The following SLIT2 variants were observed in gnomAD, a reference collection of about 807,000 sequenced individuals.
SLIT2 encodes the protein slit homolog 2 protein.
Under a neutral mutation model 185.7 loss-of-function variants are expected in SLIT2, and 41 were observed. The ratio of observed to expected loss-of-function variants is 0.22; its 90% CI spans 0.17 to 0.29. The LOEUF is 0.29. Among genes scored for constraint, SLIT2 ranks in the 10% least tolerant of loss-of-function variants. The pLI is 1.00. For synonymous variants in SLIT2, 693 were observed against 680.2 expected (o/e 1.02, Z -0.29); for missense variants, 1,571 against 1,909.0 (o/e 0.82, Z 3.30).
In SLIT2 at chr4:20,618,961, C is replaced by T. The variant is rs746191825; in HGVS notation, c.4542C>T (p.Asp1514=). The stretch of plus-strand genomic sequence containing the variant: ...GCACTGACGGCTCCTCCTTTGTGGA[C>T]GAGGTTGAGAAAGTGGTGAAGTGCG... ...FECTDGSSFV[D]EVEKVVKCGC... The change falls in exon 37 of 37, where the codon GAC becomes GAT. Residue 1514 remains aspartate, a synonymous_variant. Transcript: ENST00000504154. The T allele has an allele frequency of 2.5e-5, 41 of 1,613,862 alleles. No individual in the cohort carries two copies. The highest frequency in any genetic ancestry group is 1.5e-4 in the Admixed American group (9 of 59,980).
At chr4:20,394,896 T>A (rs1725759825) in intron 4 of SLIT2, 1 of 152,080 alleles carries the variant, frequency 6.6e-6, no homozygotes, top group Non-Finnish European at 1.5e-5. Context: ...AGTAATTTCT[T>A]TTTCTTTATT....
intron 26 of SLIT2, 66 bp from the exon 27 acceptor site, chr4:20,567,196 G>A (rs1009911802): frequency 6.1e-6 from 8 of 1,318,810 alleles, no homozygotes; most frequent in East Asian, 2.3e-5. Flanking sequence ...TTACATTAAG[G>A]CATACAAGTA....
chr4:20,404,551 TTATTACATG>T (rs1474877015), intron 4 of SLIT2, among the ~76,000 whole-genome samples: 9 of 151,954 alleles, frequency 5.9e-5, no homozygotes, highest in Non-Finnish European at 1.2e-4. Context: ...GTGTTAGCAG[TTATTACATG>T]TATTTCCTAA....
At position 20,382,939 on chromosome 4, in the gene SLIT2, A is replaced by G. The variant is rs528067330; in HGVS notation, c.396-84813A>G. Reference sequence around the variant, plus strand: ...GTACTCTACACAGTGTGGCTCTGGCATAAGGTAGACATAGATTAGTGGAAT... The same window carrying G: ...GTACTCTACACAGTGTGGCTCTGGCGTAAGGTAGACATAGATTAGTGGAAT... On this transcript the variant is annotated intron_variant, in intron 4 of 36. Transcript: ENST00000504154. Among the ~76,000 whole-genome samples the G allele has an allele frequency of 2.0e-3, 302 of 152,312 alleles. 1 individual carries two copies. The highest frequency in any genetic ancestry group is 6.9e-3 in the African/African-American group (285 of 41,586).
At chr4:20,559,758 G>A (rs1028521502) in intron 26 of SLIT2, among the ~76,000 whole-genome samples, 19 of 151,908 alleles carry the variant, frequency 1.3e-4, no homozygotes, top group Non-Finnish European at 1.5e-5. Context: ...GCCGACTGGA[G>A]TCAGAATTTG....
chr4:20,553,696 G>T, intron 25 of SLIT2, 109 bp from the exon 26 acceptor site: 1 of 1,047,726 alleles, frequency 9.5e-7, no homozygotes, highest in Non-Finnish European at 1.3e-6. Flanking sequence ...GCATCACTTT[G>T]AATTCTTTTG....
At chr4:20,327,466 A>C (rs1719690582) in intron 4 of SLIT2, among the ~76,000 whole-genome samples, 1 of 152,060 alleles carries the variant, frequency 6.6e-6, no homozygotes, top group Non-Finnish European at 1.5e-5. Context: ...TAATAAATGC[A>C]GCTTTGTTGC....
chr4:20,376,107 T>G (rs1723996015), intron 4 of SLIT2, among the ~76,000 whole-genome samples: 1 of 146,744 alleles, frequency 6.8e-6, no homozygotes, highest in Non-Finnish European at 1.5e-5. Flanking sequence ...AAGAATATCA[T>G]TGTTTAACTT....
At chr4:20,310,295 A>G (rs537172307) in intron 4 of SLIT2, among the ~76,000 whole-genome samples, 1 of 152,174 alleles carries the variant, frequency 6.6e-6, no homozygotes, top group Non-Finnish European at 1.5e-5. Flanking sequence ...TACTATCTGT[A>G]CAAACCTGGA....
At position 20,568,910 on chromosome 4, in the gene SLIT2, C is replaced by T. The variant is rs759282159; in HGVS notation, c.2994C>T (p.Asn998=). 9.3e-6 allele frequency: 15 copies of T among 1,611,876 alleles called. No homozygotes were observed. The highest frequency in any genetic ancestry group is 1.1e-5 in the South Asian group (1 of 91,014). Residue 998 remains asparagine (N), a synonymous_variant, in exon 29 of 37, where the codon AAC becomes AAT. Coordinates refer to ENST00000504154, the MANE Select transcript of SLIT2 (RefSeq NM_004787.4). ...TTGAAGGAGAAAATTGTGAAGTCAA[C>T]GTTGATGATTGTGAAGATAATGACT... is the stretch of plus-strand genomic sequence containing the variant. ...DGFEGENCEV[N]VDDCEDNDCE...
At chr4:20,366,314 C>A (rs1297442473) in intron 4 of SLIT2, among the ~76,000 whole-genome samples, 1 of 152,136 alleles carries the variant, frequency 6.6e-6, no homozygotes, top group Non-Finnish European at 1.5e-5. Context: ...TCTTAGCTTA[C>A]CTGACTTCTC....
intron 26 of SLIT2, among the ~76,000 whole-genome samples, chr4:20,561,832 T>C (rs1361561655): frequency 2.4e-4 from 36 of 151,778 alleles, no homozygotes; most frequent in Admixed American, 2.2e-3. Flanking sequence ...ATTATACTTT[T>C]TAAAACTTAA....
intron 9 of SLIT2, among the ~76,000 whole-genome samples, chr4:20,496,568 C>T (rs1718247856): frequency 1.3e-5 from 2 of 152,138 alleles, no homozygotes; most frequent in East Asian, 1.9e-4. Flanking sequence ...CAGAAGCTCC[C>T]CTCTTGTTTA....
At chr4:20,477,424 C>A (rs980713405) in intron 5 of SLIT2, among the ~76,000 whole-genome samples, 4 of 152,226 alleles carry the variant, frequency 2.6e-5, no homozygotes, top group African/African-American at 9.6e-5. Context: ...GTCTCAAACC[C>A]CTGACCTCGG....
intron 26 of SLIT2, among the ~76,000 whole-genome samples, chr4:20,555,625 A>C (rs970418471): frequency 6.6e-6 from 1 of 152,124 alleles, no homozygotes; most frequent in Non-Finnish European, 1.5e-5. Context: ...ATTAATAAAA[A>C]AGTAATTTTC....
chr4:20,288,457 A>G (rs1158902839), intron 4 of SLIT2, among the ~76,000 whole-genome samples: 1 of 152,260 alleles, frequency 6.6e-6, no homozygotes, highest in African/African-American at 2.4e-5. Context: ...GCACGTGTGC[A>G]TGACAATGAG....
At chr4:20,467,942 C>T (rs12499199) in intron 5 of SLIT2, 119 bp downstream of exon 5, 19,800 of 510,698 alleles carry the variant, frequency 0.039, 799 homozygotes, top group East Asian at 0.15. Flanking sequence ...TTTATGCTTG[C>T]GTAGGAGACC....
intron 4 of SLIT2, among the ~76,000 whole-genome samples, chr4:20,388,533 G>A (rs905197512): frequency 6.6e-6 from 1 of 152,002 alleles, no homozygotes; most frequent in African/African-American, 2.4e-5. Flanking sequence ...CAGCACTTTG[G>A]GAGGCCGAGG....
At chr4:20,452,950 C>A (rs1712641886) in intron 4 of SLIT2, among the ~76,000 whole-genome samples, 1 of 152,122 alleles carries the variant, frequency 6.6e-6, no homozygotes, top group Non-Finnish European at 1.5e-5. Flanking sequence ...CCAGAAGTTG[C>A]CTTTCAGCTT....
Sources: gnomAD v4.1 joint callset for allele counts (sites outside exome capture counted in the v4.1 genomes callset) on GRCh38, gnomAD v4.1.1 for gene constraint, MANE v1.5 for transcripts, NCBI Gene and HGNC (gene_info 2026-07-23, HGNC 2026-07-21) for gene names.